The following FBLN1 variants were observed in gnomAD, a reference collection of about 807,000 sequenced individuals.
The protein encoded by FBLN1 is fibulin-1.
In FBLN1, 34 loss-of-function variants were observed where a neutral mutation model predicts 89.7. The observed-to-expected ratio is 0.38, with a 90% CI of 0.29 to 0.50. FBLN1 has a LOEUF of 0.50. Among genes scored for constraint, FBLN1 ranks in the 20% least tolerant of loss-of-function variants. FBLN1 has a pLI of 0.92. For missense variants in FBLN1, 777 were observed against 988.1 expected (o/e 0.79, Z 2.86); for synonymous variants, 393 against 391.3 (o/e 1.00, Z -0.05).
chr22:45,585,671 C>T (rs1257762868), intron 16 of FBLN1, among the ~76,000 whole-genome samples: 1 of 152,208 alleles, frequency 6.6e-6, no homozygotes, highest in Non-Finnish European at 1.5e-5. Flanking sequence ...CTCCTCTGGG[C>T]TGGGATCAGC....
intron 2 of FBLN1, among the ~76,000 whole-genome samples, 171 bp downstream of exon 2, chr22:45,518,958 G>A (rs1569236288): frequency 6.6e-6 from 1 of 152,108 alleles, no homozygotes; most frequent in Non-Finnish European, 1.5e-5. Context: ...TCCTGGCACC[G>A]GCCTGGCACC....
chr22:45,547,451 T>A (rs2088646905), intron 12 of FBLN1, among the ~76,000 whole-genome samples: 1 of 144,752 alleles, frequency 6.9e-6, no homozygotes, highest in African/African-American at 2.5e-5. Context: ...GCTGGAGTGA[T>A]ATGGTGCAAT....
chr22:45,540,623 T>C (rs1217505059), intron 8 of FBLN1, among the ~76,000 whole-genome samples: 1 of 152,192 alleles, frequency 6.6e-6, no homozygotes, highest in African/African-American at 2.4e-5. Context: ...CCTCCGAATT[T>C]GAGCAGAAGG....
chr22:45,600,178 G>T, intron 16 of FBLN1, 129 bp from the exon 17 acceptor site: 1 of 1,089,968 alleles, frequency 9.2e-7, no homozygotes, highest in Non-Finnish European at 1.4e-6. Context: ...AGCATCTGGC[G>T]TAGGATGGGA....
At chr22:45,518,957 C>T (rs537370861) in intron 2 of FBLN1, among the ~76,000 whole-genome samples, 170 bp downstream of exon 2, 17 of 152,234 alleles carry the variant, frequency 1.1e-4, no homozygotes, top group Admixed American at 2.6e-4. Flanking sequence ...CTCCTGGCAC[C>T]GGCCTGGCAC....
At chr22:45,568,584 CCTGTAGGGGAATGCTCCTT>C (rs1221363326) in intron 14 of FBLN1, among the ~76,000 whole-genome samples, 1 of 98,286 alleles carries the variant, frequency 1.0e-5, no homozygotes, top group African/African-American at 4.2e-5. Flanking sequence ...GGAGAATGCT[CCTGTAGGGGAATGCTCCTT>C]CTGTAAGGGA....
At chr22:45,512,476 G>A (rs965663886) in intron 1 of FBLN1, among the ~76,000 whole-genome samples, 1 of 152,136 alleles carries the variant, frequency 6.6e-6, no homozygotes, top group Non-Finnish European at 1.5e-5. Context: ...AACACATGGG[G>A]TAGGACTTGA....
In FBLN1 at chr22:45,588,328, G is replaced by C. The variant is rs2089105746; in HGVS notation, c.1972+11220G>C. 6.6e-6 allele frequency among the ~76,000 whole-genome samples: 1 copy of C among 152,186 alleles called. No homozygotes were observed. The highest frequency in any genetic ancestry group is 2.4e-5 in the African/African-American group (1 of 41,438). ...CTTCTGGAAAGTCTGTCGTGAACCA[G>C]AGCAGATAAATGCTTGTGCTGGGGG... On this transcript the variant is annotated intron_variant, in intron 16 of 16. Coordinates refer to ENST00000327858, the MANE Select transcript of FBLN1 (RefSeq NM_006486.3). This position sits in a 1 kb window ranked among gnomAD's most constrained non-coding sequence, Gnocchi z 5.1.
rs2088488949 is a variant in FBLN1, at chr22:45,536,849, T to A, written c.922+1512T>A. 6.6e-6 allele frequency among the ~76,000 whole-genome samples: 1 copy of A among 152,090 alleles called. No individual in the cohort carries two copies. The highest frequency in any genetic ancestry group is 2.1e-4 in the South Asian group (1 of 4,826). ...AATCCCATGTGAACTTAGTATGAAT[T>A]TAGGAGGCCTGGGCAAGACCGCTCA... On this transcript the variant is annotated intron_variant, in intron 8 of 16. Transcript: ENST00000327858. This position sits in a 1 kb window ranked among gnomAD's most constrained non-coding sequence, Gnocchi z 5.1.
Position 45,550,830 on chromosome 22 carries a change from G to A in FBLN1, c.1697+215G>A, listed in dbSNP as rs2146995479. 1 of 654,772 alleles carries A rather than the reference G, an allele frequency of 1.5e-6. No homozygotes were observed. 40.6% of individuals were successfully genotyped at this position (654,772 alleles called of 1,614,324 possible). A position where few individuals can be genotyped will look rare whatever the true frequency, so the allele number is the denominator to read the frequency against. ...GGGGGTAACTGCAAATGAGTCTGGGGTCTATAGTCATGTTTTCAGGCCAAG... is the reference window on the plus strand; with the variant it reads ...GGGGGTAACTGCAAATGAGTCTGGGATCTATAGTCATGTTTTCAGGCCAAG... On this transcript the variant is annotated intron_variant, in intron 14 of 16. Coordinates refer to ENST00000327858, the MANE Select transcript of FBLN1 (RefSeq NM_006486.3). The surrounding 1 kb of genome is among the most constrained non-coding windows in gnomAD (Gnocchi z 8.4).
intron 3 of FBLN1, among the ~76,000 whole-genome samples, chr22:45,526,450 G>A (rs371022171): frequency 2.6e-4 from 40 of 152,346 alleles, no homozygotes; most frequent in Admixed American, 9.1e-4. Flanking sequence ...AAACAAGCCC[G>A]GCCAGGAGGA....
intron 1 of FBLN1, among the ~76,000 whole-genome samples, chr22:45,504,584 A>G (rs2087992789): frequency 6.6e-6 from 1 of 152,136 alleles, no homozygotes; most frequent in Non-Finnish European, 1.5e-5. Flanking sequence ...GGAGCCTCAG[A>G]GGCCCCGATT....
chr22:45,552,526 T>G (rs529213367), intron 14 of FBLN1, among the ~76,000 whole-genome samples: 1 of 152,198 alleles, frequency 6.6e-6, no homozygotes, highest in Non-Finnish European at 1.5e-5. Context: ...CGAAGCTGCT[T>G]AACACGTTTT....
intron 16 of FBLN1, among the ~76,000 whole-genome samples, chr22:45,586,131 C>A (rs1265254928): frequency 1.3e-5 from 2 of 152,258 alleles, no homozygotes; most frequent in African/African-American, 4.8e-5. Context: ...TGGGTGGCCC[C>A]TGGACAGCCT....
chr22:45,551,438 G>T (rs974959171), intron 14 of FBLN1, among the ~76,000 whole-genome samples: 1 of 152,218 alleles, frequency 6.6e-6, no homozygotes, highest in Non-Finnish European at 1.5e-5. Flanking sequence ...CGACCTGAGG[G>T]TCAGTGGTAG....
chr22:45,508,648 GTA>G (rs895597720), intron 1 of FBLN1, among the ~76,000 whole-genome samples: 2 of 152,186 alleles, frequency 1.3e-5, no homozygotes, highest in African/African-American at 4.8e-5. Flanking sequence ...GGTGGGGTGT[GTA>G]TGAGCTTTAC....
rs1343743467 is a variant in FBLN1 at position 45,574,215 on chromosome 22, C to T, written c.1698-296C>T. Among the ~76,000 whole-genome samples, 3 of 152,238 alleles carry T rather than the reference C, an allele frequency of 2.0e-5. No homozygotes were observed. Among genetic ancestry groups the T allele is most frequent in the Admixed American group, 6.5e-5 (1 of 15,280 alleles). ...CTGTGACTCTATTTTGCCATTGTAG[C>T]TATTGATGCTCAATTCGTGCAGTTG... On this transcript the variant is annotated intron_variant, in intron 14 of 16. Transcript: ENST00000327858. This position sits in a 1 kb window ranked among gnomAD's most constrained non-coding sequence, Gnocchi z 4.1.
rs118111161 is a variant in FBLN1 at position 45,592,776 on chromosome 22, C to T, written c.1973-7531C>T. 1.5e-3 allele frequency among the ~76,000 whole-genome samples: 224 copies of T among 152,304 alleles called. 1 individual carries two copies. The highest frequency in any genetic ancestry group is 2.4e-3 in the Non-Finnish European group (163 of 68,034). On this transcript the variant is annotated intron_variant, in intron 16 of 16. Coordinates refer to ENST00000327858, the MANE Select transcript of FBLN1 (RefSeq NM_006486.3). ...GCCTGCGGTGCTTGTGATGGGCAAG[C>T]CTGTTTGGGTCTCCTCTGAGCTCCT...
At chr22:45,559,987 T>C (rs1004842482) in intron 14 of FBLN1, among the ~76,000 whole-genome samples, 4 of 152,236 alleles carry the variant, frequency 2.6e-5, no homozygotes, top group African/African-American at 9.6e-5. Context: ...GTAATTCAAA[T>C]TAGTCTTTTG....
Sources: allele counts gnomAD v4.1 joint callset (sites outside exome capture counted in the v4.1 genomes callset), GRCh38; gene constraint gnomAD v4.1.1; non-coding constraint Gnocchi (gnomAD v3.1); transcripts MANE v1.5; gene names NCBI Gene and HGNC (gene_info 2026-07-23, HGNC 2026-07-21).